Variants in UNC5C observed in about 807,000 individuals in gnomAD.
UNC5C encodes the protein netrin receptor UNC5C.
A neutral mutation model predicts 99.8 loss-of-function variants in UNC5C; 47 were observed. The observed-to-expected ratio is 0.47, with a 90% CI of 0.37 to 0.60. The LOEUF is 0.60. UNC5C is among the 20% of genes least tolerant of loss of function. UNC5C has a pLI of 0.00. For missense variants in UNC5C, 1,062 were observed against 1,165.9 expected (o/e 0.91, Z 1.30); for synonymous variants, 487 against 452.2 (o/e 1.08, Z -0.98).
In UNC5C at chr4:95,301,741, C is replaced by T. The variant is rs951126177; in HGVS notation, c.355G>A (p.Val119Ile). The change falls in exon 3 of 16, where the codon GTC becomes ATC. Residue 119 changes from valine (V) to isoleucine (I), a missense_variant. Physicochemically the swap from Val to Ile is conservative, Grantham distance 29. Coordinates refer to ENST00000453304, the MANE Select transcript of UNC5C (RefSeq NM_003728.4). ...GAAATCTCAATGCTCACTTCCCGGACAATGAGACCTGACAAGAGAAAAAGA... is the reference window on the plus strand; with the variant it reads ...GAAATCTCAATGCTCACTTCCCGGATAATGAGACCTGACAAGAGAAAAAGA... Reference protein sequence around the residue: ...ERVDETSGLIVREVSIEISRQ... With the variant: ...ERVDETSGLIIREVSIEISRQ... The T allele has an allele frequency of 6.2e-7, 1 of 1,612,694 alleles. No homozygotes were observed. The highest frequency in any genetic ancestry group is 1.7e-5 in the Admixed American group (1 of 60,018).
At chr4:95,186,515 T>C (rs1042668459) in intron 12 of UNC5C, among the ~76,000 whole-genome samples, 3 of 152,224 alleles carry the variant, frequency 2.0e-5, no homozygotes, top group African/African-American at 7.2e-5. Context: ...ATTGATTACA[T>C]GCAAACAGCT....
chr4:95,471,148 G>A (rs968481257), intron 1 of UNC5C, among the ~76,000 whole-genome samples: 1 of 151,722 alleles, frequency 6.6e-6, no homozygotes, highest in East Asian at 1.9e-4. Flanking sequence ...GGGTGGGGGT[G>A]GTAAGCCGTT....
At chr4:95,475,400 C>T (rs897873710) in intron 1 of UNC5C, among the ~76,000 whole-genome samples, 1 of 151,784 alleles carries the variant, frequency 6.6e-6, no homozygotes, top group African/African-American at 2.4e-5. Context: ...AATAATAACA[C>T]CCAATTTTTA....
intron 12 of UNC5C, among the ~76,000 whole-genome samples, chr4:95,188,592 A>G (rs1387882052): frequency 6.6e-6 from 1 of 152,258 alleles, no homozygotes; most frequent in Non-Finnish European, 1.5e-5. Flanking sequence ...CCACTTAAAA[A>G]TATGCTGCAA....
chr4:95,339,659 G>A (rs1394711010), intron 1 of UNC5C, among the ~76,000 whole-genome samples: 1 of 152,032 alleles, frequency 6.6e-6, no homozygotes, highest in African/African-American at 2.4e-5. Context: ...ACTTCAGACT[G>A]TGAACTTATT....
chr4:95,278,236 T>C (rs756247497), intron 4 of UNC5C, 23 bp downstream of exon 4: 2 of 1,589,724 alleles, frequency 1.3e-6, no homozygotes, highest in East Asian at 4.5e-5. Flanking sequence ...AATTGCTAAA[T>C]GCAAAGAATT....
At chr4:95,294,027 T>C (rs143591369) in intron 3 of UNC5C, among the ~76,000 whole-genome samples, 209 of 152,314 alleles carry the variant, frequency 1.4e-3, no homozygotes, top group Middle Eastern at 0.01. Flanking sequence ...GTACACACAC[T>C]AGCTCTGAAA....
intron 3 of UNC5C, among the ~76,000 whole-genome samples, chr4:95,297,582 A>C (rs1487416231): frequency 2.0e-5 from 3 of 152,210 alleles, no homozygotes; most frequent in Non-Finnish European, 4.4e-5. Flanking sequence ...AAATGAGACA[A>C]GCACTATATT....
At chr4:95,403,621 C>T (rs1002448562) in intron 1 of UNC5C, among the ~76,000 whole-genome samples, 1 of 152,276 alleles carries the variant, frequency 6.6e-6, no homozygotes, top group East Asian at 1.9e-4. Flanking sequence ...TTTCCATATT[C>T]GTAGCAGCTA....
chr4:95,181,976 T>A (rs996052206), intron 14 of UNC5C, among the ~76,000 whole-genome samples: 5 of 152,230 alleles, frequency 3.3e-5, no homozygotes, highest in African/African-American at 1.2e-4. Context: ...TATGACAATC[T>A]TGTGCTTTGT....
At chr4:95,504,724 T>A (rs1287395745) in intron 1 of UNC5C, among the ~76,000 whole-genome samples, 1 of 152,072 alleles carries the variant, frequency 6.6e-6, no homozygotes, top group East Asian at 1.9e-4. Context: ...TTAACCTTTG[T>A]GCCAAAATCA....
chr4:95,359,105 G>T lies in UNC5C; in HGVS notation c.125-23474C>A, dbSNP rs142504082. On this transcript the variant is annotated intron_variant, in intron 1 of 15. Transcript: ENST00000453304. ...GTATAGTTGAAGTCATGCCCAATAA[G>T]TTTGTTTTGGAAATCATATTGGATT... is the stretch of plus-strand genomic sequence containing the variant. Among the ~76,000 whole-genome samples, 280 of 152,228 alleles carry T rather than the reference G, an allele frequency of 1.8e-3. 1 individual carries two copies. Among genetic ancestry groups the T allele is most frequent in the African/African-American group, 6.2e-3 (256 of 41,550 alleles).
intron 2 of UNC5C, among the ~76,000 whole-genome samples, chr4:95,335,008 A>G (rs1445257645): frequency 1.3e-5 from 2 of 152,058 alleles, no homozygotes; most frequent in Non-Finnish European, 2.9e-5. Flanking sequence ...GATTAACATT[A>G]GACATTAATG....
intron 1 of UNC5C, among the ~76,000 whole-genome samples, chr4:95,342,985 C>A (rs1485160749): frequency 6.6e-6 from 1 of 151,538 alleles, no homozygotes; most frequent in African/African-American, 2.4e-5. Context: ...GCATGGGTGC[C>A]AGTTTAGCCA....
At chr4:95,453,827 A>G (rs1259894442) in intron 1 of UNC5C, among the ~76,000 whole-genome samples, 1 of 152,160 alleles carries the variant, frequency 6.6e-6, no homozygotes, top group Non-Finnish European at 1.5e-5. Flanking sequence ...TCCAGGAATT[A>G]TTACTAGGAT....
At chr4:95,296,069 G>A (rs1175721683) in intron 3 of UNC5C, among the ~76,000 whole-genome samples, 1 of 152,164 alleles carries the variant, frequency 6.6e-6, no homozygotes, top group African/African-American at 2.4e-5. Context: ...GTCTGGGACA[G>A]GGCAAGACTT....
intron 1 of UNC5C, among the ~76,000 whole-genome samples, chr4:95,458,884 A>T (rs1054070196): frequency 6.6e-6 from 1 of 152,046 alleles, no homozygotes; most frequent in Non-Finnish European, 1.5e-5. Flanking sequence ...GAATTTATAT[A>T]TATCACTTTA....
chr4:95,178,596 GA>G (rs1312937608), intron 14 of UNC5C, among the ~76,000 whole-genome samples: 4 of 152,232 alleles, frequency 2.6e-5, no homozygotes, highest in African/African-American at 9.6e-5. Context: ...CCTTAGTACA[GA>G]AAGAAGATGA....
intron 14 of UNC5C, among the ~76,000 whole-genome samples, chr4:95,180,015 C>A (rs965976086): frequency 6.7e-6 from 1 of 149,584 alleles, no homozygotes; most frequent in South Asian, 2.1e-4. Context: ...ACCCCCCCCA[C>A]GGATTGAAGT....
Sources: allele counts gnomAD v4.1 joint callset (sites outside exome capture counted in the v4.1 genomes callset), GRCh38; gene constraint gnomAD v4.1.1; transcripts MANE v1.5; gene names NCBI Gene and HGNC (gene_info 2026-07-23, HGNC 2026-07-21).